Variants in RBFOX1 observed in about 807,000 individuals in gnomAD.
RBFOX1 encodes RNA binding fox-1 homolog 1.
RBFOX1 carries 8 observed loss-of-function variants against 57.7 expected under a neutral mutation model. The ratio of observed to expected loss-of-function variants is 0.14; its 90% CI spans 0.08 to 0.25. The LOEUF (loss-of-function observed/expected upper bound fraction) is 0.25, where lower values mean the gene tolerates loss of function less well. Ranked by LOEUF, RBFOX1 falls within the 10% of genes least tolerant of loss-of-function variation. The pLI is 1.00. For missense variants in RBFOX1, 611 were observed against 548.5 expected, an observed-to-expected ratio of 1.11 and a Z score of -1.14; for synonymous variants, 326 against 222.4, an observed-to-expected ratio of 1.47 and a Z score of -4.15.
chr16:7,646,648 C>T (rs1229136740), intron 11 of RBFOX1, among the ~76,000 whole-genome samples: 1 of 152,212 alleles, frequency 6.6e-6, no homozygotes, highest in Non-Finnish European at 1.5e-5. Context: ...AGAATAATTG[C>T]CCATTAAAGC....
intron 2 of RBFOX1, among the ~76,000 whole-genome samples, chr16:6,349,427 T>G (rs984984897): frequency 2.6e-5 from 4 of 152,182 alleles, no homozygotes; most frequent in Non-Finnish European, 2.9e-5. Flanking sequence ...GATACGAATA[T>G]TGTGGTAAAA....
chr16:7,699,900 G>T (rs72778519), intron 14 of RBFOX1, among the ~76,000 whole-genome samples: 1,798 of 152,272 alleles, frequency 0.012, 20 homozygotes, highest in Non-Finnish European at 0.02. Flanking sequence ...TGGTCATTTG[G>T]AGGTGGGGGA....
At chr16:5,475,223 G>A (rs2069279874) in intron 2 of RBFOX1, among the ~76,000 whole-genome samples, 1 of 152,162 alleles carries the variant, frequency 6.6e-6, no homozygotes, top group Non-Finnish European at 1.5e-5. Context: ...GACTTTTCTT[G>A]CTGCTTCATT....
rs185442135 is a variant in RBFOX1 at position 6,574,972 on chromosome 16, A to G, written c.-63-79631A>G. Among the ~76,000 whole-genome samples, 294 of 150,248 alleles carry G rather than the reference A, an allele frequency of 2.0e-3. 3 individuals carry two copies. Among genetic ancestry groups the G allele is most frequent in the Non-Finnish European group, 3.3e-3 (224 of 67,712 alleles). ...AGAATGGCGTGAACCTGGGAGGCGG[A>G]GCTTGCAGTGAGCCGAGATGGCACC... is the stretch of plus-strand genomic sequence containing the variant. On this transcript the variant is annotated intron_variant, in intron 2 of 15. Coordinates refer to ENST00000550418, the MANE Select transcript of RBFOX1 (RefSeq NM_018723.4).
At chr16:6,213,531 G>C (rs1469939340) in intron 1 of RBFOX1, among the ~76,000 whole-genome samples, 1 of 152,210 alleles carries the variant, frequency 6.6e-6, no homozygotes, top group Non-Finnish European at 1.5e-5. Flanking sequence ...CGGCAAGGCA[G>C]GTACCGCCTT....
chr16:7,218,240 A>C (rs1010325565), intron 4 of RBFOX1, among the ~76,000 whole-genome samples: 3 of 152,120 alleles, frequency 2.0e-5, no homozygotes, highest in Non-Finnish European at 2.9e-5. Context: ...ATTTGGCCAA[A>C]TCATCTGAAA....
At chr16:6,755,498 C>T (rs1410879799) in intron 3 of RBFOX1, among the ~76,000 whole-genome samples, 2 of 152,090 alleles carry the variant, frequency 1.3e-5, no homozygotes, top group Non-Finnish European at 2.9e-5. Context: ...GCATAAATGT[C>T]TCCTGTTTTA....
chr16:6,000,600 A>G (rs1042316891), intron 4 of RBFOX1, among the ~76,000 whole-genome samples: 1 of 152,128 alleles, frequency 6.6e-6, no homozygotes, highest in Non-Finnish European at 1.5e-5. Flanking sequence ...GTGCCAGGAA[A>G]TAGAATTACT....
intron 2 of RBFOX1, among the ~76,000 whole-genome samples, chr16:6,514,550 G>A (rs761875464): frequency 1.3e-5 from 2 of 152,164 alleles, no homozygotes; most frequent in Non-Finnish European, 2.9e-5. Flanking sequence ...ATGTGCTCTA[G>A]CAGTTGAAAG....
At chr16:5,863,102 C>T (rs920584714) in intron 3 of RBFOX1, among the ~76,000 whole-genome samples, 5 of 152,118 alleles carry the variant, frequency 3.3e-5, no homozygotes, top group African/African-American at 1.2e-4. Context: ...CTGGTGTGGC[C>T]TTGGGCAAGG....
chr16:6,021,366 A>G (rs765576037), intron 1 of RBFOX1, among the ~76,000 whole-genome samples: 9 of 152,196 alleles, frequency 5.9e-5, no homozygotes, highest in Non-Finnish European at 1.2e-4. Context: ...GAAAAAAAAG[A>G]TGAGAGGGCC....
At chr16:6,981,474 G>C (rs1346583051) in intron 3 of RBFOX1, among the ~76,000 whole-genome samples, 3 of 152,274 alleles carry the variant, frequency 2.0e-5, no homozygotes, top group East Asian at 1.9e-4. Context: ...ATAAACCACA[G>C]ATTCTTTATC....
chr16:7,462,729 G>T (rs1162154703), intron 4 of RBFOX1, among the ~76,000 whole-genome samples: 1 of 152,224 alleles, frequency 6.6e-6, no homozygotes, highest in South Asian at 2.1e-4. Context: ...GGCCCTCAAA[G>T]CTTTGCTGGC....
intron 2 of RBFOX1, among the ~76,000 whole-genome samples, chr16:5,523,283 T>A (rs564996540): frequency 1.7e-4 from 26 of 151,228 alleles, no homozygotes; most frequent in African/African-American, 6.3e-4. Context: ...AAGACTCTGT[T>A]TCAAAAAAAA....
chr16:5,920,289 CTTTTTA>C (rs1230124438), intron 4 of RBFOX1, among the ~76,000 whole-genome samples: 21 of 152,138 alleles, frequency 1.4e-4, no homozygotes. Flanking sequence ...AGTCTTATTC[CTTTTTA>C]TTGTACATTA....
chr16:6,060,626 G>C (rs926468379), intron 1 of RBFOX1, among the ~76,000 whole-genome samples: 12 of 152,102 alleles, frequency 7.9e-5, no homozygotes, highest in Admixed American at 6.5e-5. Context: ...TGCATGTGTT[G>C]CTAAGCAACA....
intron 2 of RBFOX1, among the ~76,000 whole-genome samples, chr16:6,318,895 C>G (rs1329807820): frequency 2.0e-5 from 3 of 151,630 alleles, no homozygotes; most frequent in African/African-American, 7.3e-5. Flanking sequence ...CTTAGTGTAT[C>G]TAGTAGGTTT....
intron 3 of RBFOX1, among the ~76,000 whole-genome samples, chr16:5,677,556 C>T (rs1017400428): frequency 5.9e-5 from 9 of 152,244 alleles, no homozygotes; most frequent in East Asian, 1.9e-4. Context: ...AGAAATTCAC[C>T]GGACCAATCC....
At chr16:7,425,590 T>C (rs1011530762) in intron 4 of RBFOX1, among the ~76,000 whole-genome samples, 2 of 152,224 alleles carry the variant, frequency 1.3e-5, no homozygotes, top group Non-Finnish European at 2.9e-5. Flanking sequence ...AATTACATAG[T>C]TTCCTCTTGC....
Sources: allele counts gnomAD v4.1 joint callset (sites outside exome capture counted in the v4.1 genomes callset), GRCh38; gene constraint gnomAD v4.1.1; transcripts MANE v1.5; gene names NCBI Gene and HGNC (gene_info 2026-07-23, HGNC 2026-07-21).